HMGCLL1: variants seen among roughly 807,000 people sequenced by gnomAD.
The protein encoded by HMGCLL1 is 3-hydroxymethyl-3-methylglutaryl-CoA lyase, cytoplasmic.
Under a neutral mutation model 39.1 loss-of-function variants are expected in HMGCLL1, and 36 were observed. That is an observed-to-expected ratio of 0.92 (90% CI 0.71 to 1.22). HMGCLL1 has a LOEUF of 1.22. Among genes scored for constraint, HMGCLL1 ranks in the 50% most tolerant of loss-of-function variants. HMGCLL1 has a pLI of 0.00. For missense variants in HMGCLL1, 451 were observed against 416.5 expected, an observed-to-expected ratio of 1.08 and a Z score of -0.72; for synonymous variants, 149 against 144.0, an observed-to-expected ratio of 1.03 and a Z score of -0.25.
At chr6:55,673,936 G>T in the HMGCLL1 span, among the ~76,000 whole-genome samples, 3 of 151,882 alleles carry the variant, frequency 2.0e-5, no homozygotes, top group Non-Finnish European at 4.4e-5. Context: ...ACATCAGAGA[G>T]ATTTAAAAAA....
At chr6:55,510,738 A>G (rs191126920) in intron 5 of HMGCLL1, among the ~76,000 whole-genome samples, 1 of 151,332 alleles carries the variant, frequency 6.6e-6, no homozygotes, top group African/African-American at 2.4e-5. Flanking sequence ...ACATGTATAC[A>G]TATGTAACTA....
rs1466383714 is a variant in HMGCLL1, at chr6:55,578,960, G to T, written c.96C>A (p.Leu32=). The T allele has an allele frequency of 1.2e-6, 2 of 1,611,278 alleles. No homozygotes were observed. The highest frequency in any genetic ancestry group is 2.2e-5 in the South Asian group (2 of 90,584). Residue 32 remains leucine, a synonymous_variant, in exon 1 of 9, where the codon CTC becomes CTA. Coordinates refer to ENST00000274901, the MANE Select transcript of HMGCLL1 (RefSeq NM_001042406.2). ...LWIGDSVAGA[L]DPAQETSQLS... Reference sequence around the variant, plus strand: ...CGCGAGGTGGTACCTGCGCGGGGTCGAGCGCCCCTGCCACTGAATCCCCGA... The same window carrying T: ...CGCGAGGTGGTACCTGCGCGGGGTCTAGCGCCCCTGCCACTGAATCCCCGA...
At chr6:55,630,670 A>G in the HMGCLL1 span, among the ~76,000 whole-genome samples, 1 of 152,030 alleles carries the variant, frequency 6.6e-6, no homozygotes, top group Non-Finnish European at 1.5e-5. Flanking sequence ...TCATGGGGGC[A>G]GGTCTTTCCA....
At chr6:55,496,996 A>C (rs1332087822) in intron 6 of HMGCLL1, among the ~76,000 whole-genome samples, 1 of 152,166 alleles carries the variant, frequency 6.6e-6, no homozygotes, top group Non-Finnish European at 1.5e-5. Context: ...GTAGCTTTGC[A>C]AATGGTAGAG....
the HMGCLL1 span, among the ~76,000 whole-genome samples, chr6:55,642,902 C>A: frequency 6.6e-6 from 1 of 151,934 alleles, no homozygotes; most frequent in Non-Finnish European, 1.5e-5. Context: ...TTTGATTTTC[C>A]ATTTCTGCAT....
At chr6:55,580,410 T>C (rs1241887772), upstream of HMGCLL1, among the ~76,000 whole-genome samples, 313 of 69,468 alleles carry the variant, frequency 4.5e-3, 1 homozygote, top group Non-Finnish European at 7.3e-3. Context: ...TTCTTTCTTT[T>C]TTTTTTTTTT....
chr6:55,606,194 T>C, the HMGCLL1 span, among the ~76,000 whole-genome samples: 1 of 152,254 alleles, frequency 6.6e-6, no homozygotes, highest in East Asian at 1.9e-4. Context: ...CAGACAGAAG[T>C]TCACCTTCCG....
upstream of HMGCLL1, among the ~76,000 whole-genome samples, chr6:55,582,202 T>G (rs1473206583): frequency 1.3e-5 from 2 of 152,180 alleles, no homozygotes; most frequent in Non-Finnish European, 2.9e-5. Context: ...TGTTAGCATC[T>G]GTATCCACAT....
intron 7 of HMGCLL1, among the ~76,000 whole-genome samples, chr6:55,482,934 G>A (rs1765820523): frequency 6.6e-6 from 1 of 151,994 alleles, no homozygotes; most frequent in Non-Finnish European, 1.5e-5. Context: ...AAATTTGAAT[G>A]AAGGGAAGAG....
At chr6:55,574,704 C>T (rs1038854351) in intron 1 of HMGCLL1, among the ~76,000 whole-genome samples, 1 of 151,836 alleles carries the variant, frequency 6.6e-6, no homozygotes, top group African/African-American at 2.4e-5. Context: ...CTCAATCATC[C>T]TAAAATATTT....
At chr6:55,509,193 T>G (rs1767315426) in intron 5 of HMGCLL1, among the ~76,000 whole-genome samples, 1 of 151,978 alleles carries the variant, frequency 6.6e-6, no homozygotes, top group Admixed American at 6.6e-5. Context: ...ATTGAATTGT[T>G]CTTCCAGACC....
At chr6:55,506,851 A>T (rs1561924275) in intron 5 of HMGCLL1, among the ~76,000 whole-genome samples, 2 of 151,562 alleles carry the variant, frequency 1.3e-5, no homozygotes, top group African/African-American at 4.8e-5. Flanking sequence ...GAAAAAAAAA[A>T]TATTGTATGA....
intron 7 of HMGCLL1, among the ~76,000 whole-genome samples, chr6:55,467,037 A>G (rs117335423): frequency 0.018 from 2,702 of 152,142 alleles, 131 homozygotes; most frequent in Admixed American, 0.097. Flanking sequence ...CTTCAACAAC[A>G]TAAAATTTCT....
intron 7 of HMGCLL1, among the ~76,000 whole-genome samples, chr6:55,472,725 G>T (rs1483537388): frequency 6.6e-6 from 1 of 151,352 alleles, no homozygotes; most frequent in Non-Finnish European, 1.5e-5. Context: ...TATGTATTCT[G>T]ATATTATTGT....
At chr6:55,538,100 G>A (rs2127453764) in intron 3 of HMGCLL1, among the ~76,000 whole-genome samples, 1 of 152,132 alleles carries the variant, frequency 6.6e-6, no homozygotes, top group Non-Finnish European at 1.5e-5. Context: ...ATGTCACTGA[G>A]TATGTCCTAA....
At chr6:55,543,608 G>T (rs1769777712) in intron 1 of HMGCLL1, among the ~76,000 whole-genome samples, 4 of 138,012 alleles carry the variant, frequency 2.9e-5, no homozygotes, top group Non-Finnish European at 4.6e-5. Context: ...TTTTTTGCCA[G>T]CACTTTGGAA....
At chr6:55,607,787 C>CA in the HMGCLL1 span, among the ~76,000 whole-genome samples, 251 of 152,248 alleles carry the variant, frequency 1.6e-3, no homozygotes, top group Non-Finnish European at 2.2e-3. Flanking sequence ...AACTCCTCCT[C>CA]AAAAATCTAC....
In HMGCLL1 at chr6:55,435,494, C is replaced by T. The variant is rs1763332994; in HGVS notation, c.*168G>A. ...GCAATTTACCTGATGACTGATATTGCATTTTGTTGACTTAATCTATCCAGT... is the reference window on the plus strand; with the variant it reads ...GCAATTTACCTGATGACTGATATTGTATTTTGTTGACTTAATCTATCCAGT... On this transcript the variant is annotated 3_prime_UTR_variant, in exon 9 of 9. Transcript: ENST00000274901. The T allele has an allele frequency of 5.0e-6, 2 of 396,192 alleles. No homozygotes were observed. The highest frequency in any genetic ancestry group is 4.5e-6 in the Non-Finnish European group (1 of 221,868). The allele number at this position is 396,192 out of a possible 1,614,324, so 24.5% of individuals were successfully genotyped here.
chr6:55,590,781 A>G, the HMGCLL1 span, among the ~76,000 whole-genome samples: 95 of 152,114 alleles, frequency 6.2e-4, no homozygotes, highest in Middle Eastern at 3.4e-3. Flanking sequence ...CTAATTTTAA[A>G]GTATTTATTT....
Sources: gnomAD v4.1 joint callset for allele counts (sites outside exome capture counted in the v4.1 genomes callset) on GRCh38, gnomAD v4.1.1 for gene constraint, MANE v1.5 for transcripts, NCBI Gene and HGNC (gene_info 2026-07-23, HGNC 2026-07-21) for gene names.